ATP9A: variants seen among roughly 807,000 people sequenced by gnomAD.
ATP9A encodes the protein probable phospholipid-transporting ATPase IIA.
Under a neutral mutation model 144.1 loss-of-function variants are expected in ATP9A, and 52 were observed. The ratio of observed to expected loss-of-function variants is 0.36; its 90% CI spans 0.29 to 0.45. The LOEUF (loss-of-function observed/expected upper bound fraction) is 0.45, where lower values mean the gene tolerates loss of function less well. ATP9A is among the 20% of genes least tolerant of loss of function. The pLI is 1.00. For synonymous variants in ATP9A, 582 were observed against 557.4 expected, an observed-to-expected ratio of 1.04 and a Z score of -0.62; for missense variants, 947 against 1,392.7, an observed-to-expected ratio of 0.68 and a Z score of 5.09.
chr20:51,669,671 A>C (rs1050178530), intron 13 of ATP9A, among the ~76,000 whole-genome samples: 1 of 152,198 alleles, frequency 6.6e-6, no homozygotes, highest in Non-Finnish European at 1.5e-5. Flanking sequence ...TCAGCACTTC[A>C]GCAGAGCAGA....
rs914519318 is a variant in ATP9A at position 51,732,169 on chromosome 20, C to T, written c.69-2191G>A. Among the ~76,000 whole-genome samples the T allele has an allele frequency of 2.6e-5, 4 of 152,148 alleles. No individual in the cohort carries two copies. In the South Asian group the frequency reaches 8.3e-4, roughly 32 times the overall value. On this transcript the variant is annotated intron_variant, in intron 1 of 27. Transcript: ENST00000338821. ...GGCTGCTCTGGCAAAACGAGGTGCT[C>T]TGAGGACCCCAAAAACGGCAGCTTG... is the stretch of plus-strand genomic sequence containing the variant.
At chr20:51,712,855 C>A in intron 4 of ATP9A, 111 bp downstream of exon 4, 1 of 927,226 alleles carries the variant, frequency 1.1e-6, no homozygotes, top group Non-Finnish European at 1.7e-6. Flanking sequence ...GCGACTGTTC[C>A]GCCACGTGGC....
chr20:51,758,786 A>G (rs962844597), intron 1 of ATP9A, among the ~76,000 whole-genome samples: 4 of 152,192 alleles, frequency 2.6e-5, no homozygotes, highest in African/African-American at 4.8e-5. Context: ...TTAGCCAGCC[A>G]TGGTGGCCTG....
At chr20:51,715,222 T>G (rs774960175) in intron 3 of ATP9A, among the ~76,000 whole-genome samples, 1 of 152,192 alleles carries the variant, frequency 6.6e-6, no homozygotes, top group Non-Finnish European at 1.5e-5. Context: ...ATGTGCTGCT[T>G]TGTGAAACTC....
At chr20:51,726,667 T>C (rs62226703) in intron 2 of ATP9A, among the ~76,000 whole-genome samples, 10,279 of 152,008 alleles carry the variant, frequency 0.068, 796 homozygotes, top group African/African-American at 0.19. Flanking sequence ...CAGCCTCGAA[T>C]TCCTGGGCTC....
At chr20:51,613,924 A>C (rs1490764860) in intron 22 of ATP9A, 92 bp from the exon 23 acceptor site, 1 of 1,274,606 alleles carries the variant, frequency 7.8e-7, no homozygotes, top group Non-Finnish European at 1.1e-6. Context: ...ATTGTAGGAA[A>C]TCTTTGAAGA....
chr20:51,762,493 CAAA>C (rs1262709304), intron 1 of ATP9A, among the ~76,000 whole-genome samples: 2 of 125,078 alleles, frequency 1.6e-5, no homozygotes, highest in Non-Finnish European at 3.4e-5. Context: ...GACTCTGTCT[CAAA>C]AAAAAAAAAA....
chr20:51,686,794 G>T (rs1031013482), intron 9 of ATP9A, among the ~76,000 whole-genome samples: 16 of 152,098 alleles, frequency 1.1e-4, no homozygotes, highest in Non-Finnish European at 1.5e-5. Flanking sequence ...AATTAGCCAG[G>T]GGTGGTTGCA....
intron 14 of ATP9A, among the ~76,000 whole-genome samples, chr20:51,650,902 T>TACACACACACACACACACAC (rs10666493): frequency 6.7e-6 from 1 of 149,238 alleles, no homozygotes; most frequent in African/African-American, 2.5e-5. Flanking sequence ...ACATCACACA[T>TACACACACACACACACACAC]ACACACACAC....
intron 21 of ATP9A, among the ~76,000 whole-genome samples, chr20:51,618,213 C>T (rs941490057): frequency 6.8e-6 from 1 of 147,830 alleles, no homozygotes; most frequent in Non-Finnish European, 1.5e-5. Flanking sequence ...AGTGTGACTC[C>T]GTCTTAAAAA....
intron 1 of ATP9A, among the ~76,000 whole-genome samples, chr20:51,763,531 T>C (rs1485167876): frequency 6.6e-6 from 1 of 152,072 alleles, no homozygotes; most frequent in Non-Finnish European, 1.5e-5. Context: ...GCCAGGATGG[T>C]CTGGATCTCC....
intron 9 of ATP9A, among the ~76,000 whole-genome samples, chr20:51,678,134 C>T (rs1047981877): frequency 6.4e-5 from 2 of 31,202 alleles, no homozygotes; most frequent in Non-Finnish European, 1.2e-4. Flanking sequence ...GGTGGCAGGG[C>T]GGGGGGAAGG....
rs1328792123 is a variant in ATP9A, at chr20:51,611,746, A to G, written c.2572-1581T>C. Among the ~76,000 whole-genome samples, 1 of 152,228 alleles carries G rather than the reference A, an allele frequency of 6.6e-6. No homozygotes were observed. Among genetic ancestry groups the G allele is most frequent in the Non-Finnish European group, 1.5e-5 (1 of 68,038 alleles). On this transcript the variant is annotated intron_variant, in intron 23 of 27. Transcript: ENST00000338821. This position sits in a 1 kb window ranked among gnomAD's most constrained non-coding sequence, Gnocchi z 4.2. Reference sequence around the variant, plus strand: ...GATTAATCTCCCAATCATTAAAGCCACAGCATTATCCTGTTCAATTGGTGA... The same window carrying G: ...GATTAATCTCCCAATCATTAAAGCCGCAGCATTATCCTGTTCAATTGGTGA...
intron 4 of ATP9A, among the ~76,000 whole-genome samples, chr20:51,704,681 G>C (rs1340108075): frequency 6.6e-6 from 1 of 152,234 alleles, no homozygotes; most frequent in Non-Finnish European, 1.5e-5. Flanking sequence ...TCGGGAGGCT[G>C]AGGCAGGAGA....
At chr20:51,659,488 C>T (rs1409846173) in intron 13 of ATP9A, among the ~76,000 whole-genome samples, 1 of 152,046 alleles carries the variant, frequency 6.6e-6, no homozygotes, top group Non-Finnish European at 1.5e-5. Context: ...CAAGAAGTAA[C>T]AACTATGAAA....
chr20:51,615,878 T>C (rs1380433587), intron 22 of ATP9A, among the ~76,000 whole-genome samples: 3 of 152,094 alleles, frequency 2.0e-5, no homozygotes, highest in Non-Finnish European at 4.4e-5. Context: ...TCAGGTAATC[T>C]GCCCACCTCG....
chr20:51,718,770 G>A (rs183706521), intron 3 of ATP9A, among the ~76,000 whole-genome samples: 64 of 134,712 alleles, frequency 4.8e-4, no homozygotes, highest in African/African-American at 1.7e-3. Context: ...AGCCGAGATC[G>A]CACCACTGCA....
At chr20:51,766,570 G>A (rs1312901848) in intron 1 of ATP9A, among the ~76,000 whole-genome samples, 2 of 152,232 alleles carry the variant, frequency 1.3e-5, no homozygotes, top group East Asian at 1.9e-4. Context: ...GGCCGGGCGC[G>A]GTGACTCACG....
chr20:51,687,720 C>T (rs2077529191), intron 9 of ATP9A, among the ~76,000 whole-genome samples: 1 of 151,470 alleles, frequency 6.6e-6, no homozygotes, highest in Middle Eastern at 3.4e-3. Flanking sequence ...GCCATGATTG[C>T]ACCCCTGCAC....
Sources: allele counts gnomAD v4.1 joint callset (sites outside exome capture counted in the v4.1 genomes callset), GRCh38; gene constraint gnomAD v4.1.1; non-coding constraint Gnocchi (gnomAD v3.1); transcripts MANE v1.5; gene names NCBI Gene and HGNC (gene_info 2026-07-23, HGNC 2026-07-21).